The following CSMD1 variants were observed in gnomAD, a reference collection of about 807,000 sequenced individuals.
CSMD1 encodes the protein CUB and sushi domain-containing protein 1.
A neutral mutation model predicts 417.5 loss-of-function variants in CSMD1; 213 were observed. That is an observed-to-expected ratio of 0.51 (90% CI 0.46 to 0.57). The LOEUF is 0.57. Among genes scored for constraint, CSMD1 ranks in the 20% least tolerant of loss-of-function variants. CSMD1 has a pLI of 0.00. For missense variants in CSMD1, 6,923 were observed against 4,529.7 expected (o/e 1.53, Z -15.17); for synonymous variants, 2,862 against 1,736.8 (o/e 1.65, Z -16.11).
intron 10 of CSMD1, among the ~76,000 whole-genome samples, chr8:3,538,529 G>A (rs1585326471): frequency 6.6e-6 from 1 of 151,790 alleles, no homozygotes; most frequent in East Asian, 1.9e-4. Context: ...CACCTGCGAT[G>A]CCTCGCCTGC....
intron 5 of CSMD1, among the ~76,000 whole-genome samples, chr8:3,938,107 G>A (rs1393953189): frequency 6.6e-6 from 1 of 152,122 alleles, no homozygotes; most frequent in African/African-American, 2.4e-5. Context: ...TTGAAAGTGT[G>A]AAGCATATAA....
intron 1 of CSMD1, among the ~76,000 whole-genome samples, chr8:4,681,540 G>A (rs940736559): frequency 1.2e-4 from 19 of 152,054 alleles, no homozygotes; most frequent in African/African-American, 2.2e-4. Flanking sequence ...TGTTGTTTAC[G>A]CCAATGTTAG....
chr8:4,249,748 A>T (rs1160031238), intron 3 of CSMD1, among the ~76,000 whole-genome samples: 1 of 152,082 alleles, frequency 6.6e-6, no homozygotes, highest in African/African-American at 2.4e-5. Context: ...TGGAGAACAA[A>T]GTCTATTAAT....
intron 12 of CSMD1, among the ~76,000 whole-genome samples, chr8:3,453,655 T>C (rs552995821): frequency 8.7e-4 from 133 of 152,310 alleles, no homozygotes; most frequent in African/African-American, 2.6e-3. Context: ...ATTGTAGTTT[T>C]ATTGCACTGT....
At chr8:3,063,481 G>T (rs1156426060) in intron 49 of CSMD1, among the ~76,000 whole-genome samples, 1 of 152,168 alleles carries the variant, frequency 6.6e-6, no homozygotes, top group Non-Finnish European at 1.5e-5. Context: ...ATATGATGCA[G>T]AAATTGCACT....
intron 3 of CSMD1, among the ~76,000 whole-genome samples, chr8:4,115,784 G>A (rs369835094): frequency 6.6e-6 from 1 of 151,836 alleles, no homozygotes; most frequent in Non-Finnish European, 1.5e-5. Flanking sequence ...GCCATGAAAA[G>A]TCATGGTGGA....
intron 7 of CSMD1, among the ~76,000 whole-genome samples, chr8:3,708,130 T>A (rs1490918622): frequency 6.6e-6 from 1 of 152,310 alleles, no homozygotes; most frequent in East Asian, 1.9e-4. Flanking sequence ...TGAAAATGAC[T>A]GACCGTGTCA....
chr8:4,489,783 T>G (rs1339999887), intron 2 of CSMD1, among the ~76,000 whole-genome samples: 3 of 152,174 alleles, frequency 2.0e-5, no homozygotes, highest in African/African-American at 7.2e-5. Context: ...AAGCAGATCC[T>G]TCTTTAGTAA....
At chr8:3,976,188 C>G (rs990442841) in intron 5 of CSMD1, among the ~76,000 whole-genome samples, 3 of 151,708 alleles carry the variant, frequency 2.0e-5, no homozygotes, top group Admixed American at 6.6e-5. Context: ...ATAACTTATG[C>G]TTATTTTAAA....
At chr8:3,799,024 C>G (rs898193301) in intron 5 of CSMD1, among the ~76,000 whole-genome samples, 2 of 151,720 alleles carry the variant, frequency 1.3e-5, no homozygotes, top group African/African-American at 4.8e-5. Flanking sequence ...TTTTTCAGAT[C>G]TGAAAAAGTT....
chr8:4,212,975 T>A (rs1416616674), intron 3 of CSMD1, among the ~76,000 whole-genome samples: 3 of 152,078 alleles, frequency 2.0e-5, no homozygotes, highest in Non-Finnish European at 4.4e-5. Context: ...ACACCTAGCG[T>A]TGGCTTCCAA....
At chr8:4,138,062 T>A (rs1490987128) in intron 3 of CSMD1, among the ~76,000 whole-genome samples, 5 of 40,288 alleles carry the variant, frequency 1.2e-4, no homozygotes, top group African/African-American at 2.9e-4. Flanking sequence ...TTTTTTTTTT[T>A]TTTTTTTTTT....
intron 1 of CSMD1, among the ~76,000 whole-genome samples, chr8:4,757,689 T>C (rs1378489402): frequency 6.6e-6 from 1 of 152,142 alleles, no homozygotes; most frequent in African/African-American, 2.4e-5. Context: ...CTGGGCATGG[T>C]GGCTTATGTC....
intron 5 of CSMD1, among the ~76,000 whole-genome samples, chr8:3,984,892 A>G (rs1352878985): frequency 6.6e-6 from 1 of 151,782 alleles, no homozygotes; most frequent in Non-Finnish European, 1.5e-5. Context: ...TGTCCATAAA[A>G]CGAATACTTT....
At position 3,189,919 on chromosome 8, in the gene CSMD1, G is replaced by A. The variant is rs747506600; in HGVS notation, c.5391C>T (p.Ser1797=). Residue 1797 remains serine, a synonymous_variant, in exon 34 of 70, where the codon AGC becomes AGT. Transcript: ENST00000635120. ...CTTAGGGACACTGCTCACCCACACA[G>A]CTGGGGATCGTGTCGTTCCACTGTG... ...ALAQWNDTIP[S]CVVPCSGNFT... The A allele has an allele frequency of 6.3e-7, 1 of 1,578,144 alleles. No homozygotes were observed. Among genetic ancestry groups the A allele is most frequent in the Non-Finnish European group, 8.6e-7 (1 of 1,162,496 alleles).
At chr8:4,133,798 T>G (rs574919327) in intron 3 of CSMD1, among the ~76,000 whole-genome samples, 52 of 152,312 alleles carry the variant, frequency 3.4e-4, no homozygotes, top group African/African-American at 1.2e-3. Flanking sequence ...TCTATAGCCA[T>G]GCCACTCTGA....
intron 12 of CSMD1, among the ~76,000 whole-genome samples, chr8:3,452,293 T>C (rs576603406): frequency 2.6e-5 from 4 of 152,322 alleles, no homozygotes; most frequent in East Asian, 3.9e-4. Context: ...CTTTTCCTAA[T>C]TGAATACCCT....
At chr8:3,446,402 T>C (rs566804815) in intron 12 of CSMD1, among the ~76,000 whole-genome samples, 3 of 152,368 alleles carry the variant, frequency 2.0e-5, no homozygotes, top group African/African-American at 7.2e-5. Flanking sequence ...GGATCTGTCC[T>C]CTCTGTTTTA....
intron 2 of CSMD1, among the ~76,000 whole-genome samples, chr8:4,547,664 G>C (rs1797693510): frequency 6.6e-6 from 1 of 152,196 alleles, no homozygotes; most frequent in South Asian, 2.1e-4. Flanking sequence ...TAAAACGAAT[G>C]ATTGAGTTCT....
Sources: gnomAD v4.1 joint callset for allele counts (sites outside exome capture counted in the v4.1 genomes callset) on GRCh38, gnomAD v4.1.1 for gene constraint, MANE v1.5 for transcripts, NCBI Gene and HGNC (gene_info 2026-07-23, HGNC 2026-07-21) for gene names.